SMOC2: variants seen among roughly 807,000 people sequenced by gnomAD.
SMOC2 encodes SPARC-related modular calcium-binding protein 2.
A neutral mutation model predicts 61.4 loss-of-function variants in SMOC2; 39 were observed. That is an observed-to-expected ratio of 0.64 (90% CI 0.49 to 0.83). SMOC2 has a LOEUF of 0.83. Ranked by LOEUF, SMOC2 falls within the 40% of genes least tolerant of loss-of-function variation. The pLI, the probability that SMOC2 is intolerant of heterozygous loss-of-function variation, is 0.00. For synonymous variants in SMOC2, 247 were observed against 239.9 expected, an observed-to-expected ratio of 1.03 and a Z score of -0.27; for missense variants, 556 against 592.9, an observed-to-expected ratio of 0.94 and a Z score of 0.65.
intron 4 of SMOC2, among the ~76,000 whole-genome samples, chr6:168,539,554 A>C (rs140314900): frequency 2.0e-5 from 3 of 152,358 alleles, no homozygotes; most frequent in African/African-American, 7.2e-5. Flanking sequence ...TCTGGGTCCC[A>C]GGACAGCGGG....
chr6:168,490,102 C>A (rs187555593), intron 1 of SMOC2, among the ~76,000 whole-genome samples: 146 of 151,316 alleles, frequency 9.6e-4, no homozygotes, highest in African/African-American at 3.4e-3. Context: ...TCGTCTGGGT[C>A]CCCTTGGATC....
At chr6:168,565,921 T>C (rs1784531383) in intron 7 of SMOC2, among the ~76,000 whole-genome samples, 1 of 152,224 alleles carries the variant, frequency 6.6e-6, no homozygotes, top group Non-Finnish European at 1.5e-5. Flanking sequence ...TGAACTGGAG[T>C]GAAATTTCTC....
chr6:168,490,078 T>G (rs553375407), intron 1 of SMOC2, among the ~76,000 whole-genome samples: 89 of 151,304 alleles, frequency 5.9e-4, no homozygotes, highest in African/African-American at 2.1e-3. Context: ...TGTTTTAGAA[T>G]GAAATATATC....
At chr6:168,442,110 GA>G (rs1459761598) in intron 1 of SMOC2, among the ~76,000 whole-genome samples, 5 of 152,238 alleles carry the variant, frequency 3.3e-5, no homozygotes, top group African/African-American at 9.6e-5. Flanking sequence ...TGAGGTTACA[GA>G]TGATTCTTCA....
intron 2 of SMOC2, among the ~76,000 whole-genome samples, chr6:168,518,803 G>A (rs1246570011): frequency 2.0e-5 from 3 of 148,752 alleles, no homozygotes; most frequent in Admixed American, 6.8e-5. Context: ...ATGTGCTTGT[G>A]TGTGAATGCA....
intron 9 of SMOC2, among the ~76,000 whole-genome samples, chr6:168,615,642 C>T (rs866187430): frequency 1.0e-5 from 1 of 100,194 alleles, no homozygotes; most frequent in African/African-American, 3.9e-5. Context: ...AGGGCCTCTT[C>T]ATACCTACAG....
At chr6:168,647,604 C>A (rs1787072019) in intron 9 of SMOC2, among the ~76,000 whole-genome samples, 1 of 151,122 alleles carries the variant, frequency 6.6e-6, no homozygotes, top group South Asian at 2.2e-4. Flanking sequence ...GGGGTCGTTT[C>A]TCTTTTACCT....
intron 4 of SMOC2, among the ~76,000 whole-genome samples, chr6:168,537,130 C>G (rs1583090788): frequency 6.6e-6 from 1 of 152,396 alleles, no homozygotes; most frequent in East Asian, 1.9e-4. Flanking sequence ...TATTTCTTAG[C>G]TGTAAGCCGG....
At chr6:168,451,989 C>T (rs964929306) in intron 1 of SMOC2, among the ~76,000 whole-genome samples, 15 of 152,190 alleles carry the variant, frequency 9.9e-5, no homozygotes, top group African/African-American at 3.4e-4. Flanking sequence ...AAGAGGTTGT[C>T]TCCCAGGTTC....
intron 8 of SMOC2, among the ~76,000 whole-genome samples, chr6:168,599,410 ACATT>A (rs71675691): frequency 0.2 from 24,419 of 121,470 alleles, 2,742 homozygotes; most frequent in East Asian, 0.32. Context: ...TGACACACAC[ACATT>A]CATACCCCCC....
intron 7 of SMOC2, among the ~76,000 whole-genome samples, chr6:168,559,814 C>T (rs1258822142): frequency 6.6e-6 from 1 of 152,172 alleles, no homozygotes; most frequent in Non-Finnish European, 1.5e-5. Flanking sequence ...TTTACCAGTC[C>T]ATCCTCCTTT....
chr6:168,481,603 G>A (rs868097657), intron 1 of SMOC2, among the ~76,000 whole-genome samples: 7 of 151,988 alleles, frequency 4.6e-5, no homozygotes, highest in Non-Finnish European at 1.0e-4. Flanking sequence ...TGCAGGAAAT[G>A]AGGGACAAAG....
At chr6:168,518,933 A>G (rs578076909) in intron 2 of SMOC2, among the ~76,000 whole-genome samples, 3 of 139,490 alleles carry the variant, frequency 2.2e-5, no homozygotes, top group Non-Finnish European at 3.1e-5. Flanking sequence ...GTGTGCGTGC[A>G]TATGCTTGCA....
chr6:168,666,002 T>G (rs1199602844), intron 12 of SMOC2, among the ~76,000 whole-genome samples: 1 of 152,160 alleles, frequency 6.6e-6, no homozygotes, highest in Non-Finnish European at 1.5e-5. Context: ...TAAGTTGGAT[T>G]TCTTCTTAAA....
intron 2 of SMOC2, among the ~76,000 whole-genome samples, chr6:168,514,040 G>A (rs938119364): frequency 6.6e-6 from 1 of 152,206 alleles, no homozygotes; most frequent in Non-Finnish European, 1.5e-5. Flanking sequence ...GGGTGCACAG[G>A]GGGCCCTCAT....
intron 7 of SMOC2, among the ~76,000 whole-genome samples, chr6:168,558,145 G>T (rs1212858748): frequency 6.6e-6 from 1 of 152,200 alleles, no homozygotes; most frequent in East Asian, 1.9e-4. Flanking sequence ...GCTCTCTCAG[G>T]CTCACAGATG....
intron 7 of SMOC2, among the ~76,000 whole-genome samples, chr6:168,551,198 T>C (rs963865340): frequency 2.0e-5 from 3 of 152,196 alleles, no homozygotes; most frequent in Non-Finnish European, 4.4e-5. Context: ...TCCCTTCACC[T>C]TCTGCCATGA....
chr6:168,636,075 G>A (rs1179101456), intron 9 of SMOC2, among the ~76,000 whole-genome samples: 1 of 152,178 alleles, frequency 6.6e-6, no homozygotes, highest in African/African-American at 2.4e-5. Flanking sequence ...TTGTGTGACT[G>A]ATGAGGACAG....
Position 168,441,355 on chromosome 6 carries a change from C to A in SMOC2, c.-16C>A. On this transcript the variant is annotated 5_prime_UTR_variant, in exon 1 of 13. Transcript: ENST00000356284. ...CAGGACGCGGCCGATCTCCCGCTCCCGCCACCTCCGCCACCATGCTGCTCC... is the reference window on the plus strand; with the variant it reads ...CAGGACGCGGCCGATCTCCCGCTCCAGCCACCTCCGCCACCATGCTGCTCC... 1.3e-6 allele frequency: 2 copies of A among 1,500,632 alleles called. No homozygotes were observed. Among genetic ancestry groups the A allele is most frequent in the South Asian group, 1.2e-5 (1 of 80,608 alleles). 93.0% of individuals were successfully genotyped at this position (1,500,632 alleles called of 1,614,324 possible).
Sources: allele counts gnomAD v4.1 joint callset (sites outside exome capture counted in the v4.1 genomes callset), GRCh38; gene constraint gnomAD v4.1.1; transcripts MANE v1.5; gene names NCBI Gene and HGNC (gene_info 2026-07-23, HGNC 2026-07-21).